The following AAGAB variants were observed in gnomAD, a reference collection of about 807,000 sequenced individuals.
AAGAB encodes the protein alpha- and gamma-adaptin-binding protein p34.
A neutral mutation model predicts 44.1 loss-of-function variants in AAGAB; 38 were observed. The observed-to-expected ratio is 0.86, with a 90% CI of 0.67 to 1.13. The LOEUF (loss-of-function observed/expected upper bound fraction) is 1.13, where lower values mean the gene tolerates loss of function less well. AAGAB is among the 50% of genes most tolerant of loss of function. The pLI, the probability that AAGAB is intolerant of heterozygous loss-of-function variation, is 0.00. For missense variants in AAGAB, 450 were observed against 373.8 expected, an observed-to-expected ratio of 1.20 and a Z score of -1.68; for synonymous variants, 131 against 131.8, an observed-to-expected ratio of 0.99 and a Z score of 0.04.
intron 1 of AAGAB, among the ~76,000 whole-genome samples, chr15:67,248,337 T>G (rs187523838): frequency 6.8e-4 from 103 of 152,338 alleles, no homozygotes; most frequent in Admixed American, 1.3e-3. Flanking sequence ...CTCTAGGCCC[T>G]TGTGGTACAT....
At chr15:67,217,591 G>A (rs1036467721) in intron 5 of AAGAB, among the ~76,000 whole-genome samples, 2 of 152,100 alleles carry the variant, frequency 1.3e-5, no homozygotes, top group Admixed American at 1.3e-4. Context: ...AGGCTGGAGT[G>A]CAGTGCTGTG....
At chr15:67,230,372 T>C (rs1462819802) in intron 5 of AAGAB, among the ~76,000 whole-genome samples, 1 of 152,162 alleles carries the variant, frequency 6.6e-6, no homozygotes, top group Non-Finnish European at 1.5e-5. Flanking sequence ...ACTGCAGATA[T>C]ATTAAGATGA....
intron 5 of AAGAB, among the ~76,000 whole-genome samples, chr15:67,210,071 A>G (rs1963779236): frequency 6.6e-6 from 1 of 152,184 alleles, no homozygotes; most frequent in Admixed American, 6.5e-5. Flanking sequence ...CAGTGGTTCT[A>G]TTTGCAAAGA....
chr15:67,248,115 A>G (rs1275259939), intron 1 of AAGAB, among the ~76,000 whole-genome samples: 1 of 152,224 alleles, frequency 6.6e-6, no homozygotes, highest in East Asian at 1.9e-4. Flanking sequence ...GGTCTGGAGA[A>G]AGTATGAACA....
intron 5 of AAGAB, chr15:67,226,873 G>T: frequency 4.1e-6 from 1 of 246,730 alleles, no homozygotes. Context: ...AGGAAGGAAT[G>T]CAATTCATCT....
At chr15:67,237,687 C>T (rs907726154) in intron 1 of AAGAB, among the ~76,000 whole-genome samples, 5 of 152,152 alleles carry the variant, frequency 3.3e-5, no homozygotes, top group African/African-American at 1.2e-4. Flanking sequence ...GTCTCTCACA[C>T]CCATACCCAT....
intron 5 of AAGAB, among the ~76,000 whole-genome samples, chr15:67,218,647 G>A (rs984895092): frequency 1.3e-5 from 2 of 152,206 alleles, no homozygotes; most frequent in African/African-American, 4.8e-5. Context: ...TCTCACTGGA[G>A]ACCAAAGAGG....
rs1964780321 is a variant in AAGAB at position 67,248,417 on chromosome 15, G to A, written c.73+6142C>T. ...GAAATATACAATCCAATCAAAGGCA[G>A]AATCCTCTTACCACAACAAAATAAG... On this transcript the variant is annotated intron_variant, in intron 1 of 9. Coordinates refer to ENST00000261880, the MANE Select transcript of AAGAB (RefSeq NM_024666.5). Among the ~76,000 whole-genome samples the A allele has an allele frequency of 2.0e-5, 3 of 152,134 alleles. No homozygotes were observed. In the South Asian group the frequency reaches 6.2e-4, roughly 31 times the overall value.
At chr15:67,236,378 A>G in intron 3 of AAGAB, 30 bp downstream of exon 3, 1 of 1,587,848 alleles carries the variant, frequency 6.3e-7, no homozygotes, top group East Asian at 2.2e-5. Flanking sequence ...AAATGCATGT[A>G]CCAACTACTG....
At chr15:67,250,812 G>A (rs1165758475) in intron 1 of AAGAB, among the ~76,000 whole-genome samples, 3 of 152,092 alleles carry the variant, frequency 2.0e-5, no homozygotes, top group African/African-American at 4.8e-5. Flanking sequence ...AGATCACGAG[G>A]TCAAGAGATG....
chr15:67,217,114 C>T (rs1963969409), intron 5 of AAGAB, among the ~76,000 whole-genome samples: 1 of 152,122 alleles, frequency 6.6e-6, no homozygotes, highest in African/African-American at 2.4e-5. Context: ...TTTTTGACCA[C>T]AACATTCACA....
rs1237279592 is a variant in AAGAB, at chr15:67,201,452, G to A, written c.*1369C>T. ...TCTGCCATCTGTTTCAGGTTCTGCA[G>A]TGCTTATAAGGTAGTGTCTGGAGGG... On this transcript the variant is annotated 3_prime_UTR_variant, in exon 10 of 10. Coordinates refer to ENST00000261880, the MANE Select transcript of AAGAB (RefSeq NM_024666.5). 6.6e-6 allele frequency: 1 copy of A among 152,436 alleles called. No homozygotes were observed. The highest frequency in any genetic ancestry group is 1.5e-5 in the Non-Finnish European group (1 of 68,160). The allele number at this position is 152,436 out of a possible 1,614,324, so 9.4% of individuals were successfully genotyped here.
At chr15:67,244,474 T>G (rs1964674027) in intron 1 of AAGAB, among the ~76,000 whole-genome samples, 1 of 152,130 alleles carries the variant, frequency 6.6e-6, no homozygotes, top group Admixed American at 6.5e-5. Flanking sequence ...AAGAACTTTT[T>G]CATTAATAAG....
At chr15:67,202,960 T>G in intron 9 of AAGAB, 62 bp from the exon 10 acceptor site, 7 of 1,510,690 alleles carry the variant, frequency 4.6e-6, no homozygotes, top group South Asian at 1.1e-5. Flanking sequence ...GTTTCATATG[T>G]CATACCTTAA....
chr15:67,253,084 G>C (rs1019861847), intron 1 of AAGAB, among the ~76,000 whole-genome samples: 1 of 152,146 alleles, frequency 6.6e-6, no homozygotes, highest in African/African-American at 2.4e-5. Context: ...TGCCAGACTC[G>C]GGGATAAGCA....
chr15:67,236,730 G>A lies in AAGAB; in HGVS notation c.164C>T (p.Ser55Leu). Reference sequence around the variant, plus strand: ...CACCACACATAGATTGATGTCTGCTGAATAGTATTTATTATCAATGGTCCA... The same window carrying A: ...CACCACACATAGATTGATGTCTGCTAAATAGTATTTATTATCAATGGTCCA... ...YPWTIDNKYY[S>L]ADINLCVVPN... is the part of the protein sequence containing the mutation. Residue 55 changes from serine to leucine, a missense_variant, in exon 2 of 10, where the codon TCA becomes TTA. Coordinates refer to ENST00000261880, the MANE Select transcript of AAGAB (RefSeq NM_024666.5). 1.2e-6 allele frequency: 2 copies of A among 1,613,286 alleles called. No homozygotes were observed. The highest frequency in any genetic ancestry group is 1.1e-5 in the South Asian group (1 of 91,028).
At chr15:67,236,889 A>G in intron 1 of AAGAB, 69 bp from the exon 2 acceptor site, 1 of 1,258,722 alleles carries the variant, frequency 7.9e-7, no homozygotes, top group East Asian at 2.4e-5. Flanking sequence ...TTTCTCAGTC[A>G]GATACCAGAT....
chr15:67,230,838 C>T (rs1567024500), intron 5 of AAGAB, among the ~76,000 whole-genome samples: 1 of 152,120 alleles, frequency 6.6e-6, no homozygotes, highest in Non-Finnish European at 1.5e-5. Context: ...TCTGGTCTCC[C>T]TTAACTTCAG....
At chr15:67,250,594 T>C (rs1021213717) in intron 1 of AAGAB, among the ~76,000 whole-genome samples, 3 of 152,220 alleles carry the variant, frequency 2.0e-5, no homozygotes, top group Non-Finnish European at 4.4e-5. Context: ...TTCATCAGAA[T>C]ATACTTTTCC....
Sources: gnomAD v4.1 joint callset for allele counts (sites outside exome capture counted in the v4.1 genomes callset) on GRCh38, gnomAD v4.1.1 for gene constraint, MANE v1.5 for transcripts, NCBI Gene and HGNC (gene_info 2026-07-23, HGNC 2026-07-21) for gene names.